The following EXOSC8 variants were observed in gnomAD, a reference collection of about 807,000 sequenced individuals.
The protein encoded by EXOSC8 is exosome complex component RRP43.
A neutral mutation model predicts 39.9 loss-of-function variants in EXOSC8; 37 were observed. That is an observed-to-expected ratio of 0.93 (90% CI 0.71 to 1.22). The LOEUF (loss-of-function observed/expected upper bound fraction) is 1.22, where lower values mean the gene tolerates loss of function less well. Ranked by LOEUF, EXOSC8 falls within the 50% of genes most tolerant of loss-of-function variation. The pLI is 0.00. For missense variants in EXOSC8, 313 were observed against 326.6 expected (o/e 0.96, Z 0.32); for synonymous variants, 93 against 109.5 (o/e 0.85, Z 0.94).
chr13:37,009,052 A>G (rs2059187840), intron 10 of EXOSC8, 132 bp from the exon 11 acceptor site: 2 of 714,158 alleles, frequency 2.8e-6, no homozygotes, highest in South Asian at 3.5e-5. Flanking sequence ...TGTGAAACTA[A>G]CTTGTAGATC....
At chr13:37,001,250 A>G (rs1413656064) in intron 1 of EXOSC8, among the ~76,000 whole-genome samples, 1 of 152,108 alleles carries the variant, frequency 6.6e-6, no homozygotes, top group Non-Finnish European at 1.5e-5. Context: ...CTCTAATAAA[A>G]ATATAAAAAT....
At chr13:37,009,141 A>G (rs1047975006) in intron 10 of EXOSC8, 43 bp from the exon 11 acceptor site, 32 of 1,263,488 alleles carry the variant, frequency 2.5e-5, no homozygotes, top group Non-Finnish European at 3.3e-5. Context: ...TTTGAAAAGG[A>G]ATGATAACTG....
At chr13:37,007,483 A>T (rs1471162406) in intron 8 of EXOSC8, among the ~76,000 whole-genome samples, 1 of 152,218 alleles carries the variant, frequency 6.6e-6, no homozygotes, top group African/African-American at 2.4e-5. Context: ...GTCTAGGTTG[A>T]CTGATTAGTT....
In EXOSC8 at chr13:37,002,329, A is replaced by G. The variant is rs77177263; in HGVS notation, c.54+20A>G. On this transcript the variant is annotated intron_variant, in intron 2 of 10. Transcript: ENST00000389704. ...TTTCTGGTGAGTAAAGGTTATGTAC[A>G]TGTTATGCGTTTTGATAACGAGCTG... The G allele has an allele frequency of 3.3e-4, 523 of 1,590,690 alleles. 5 individuals carry two copies. In the East Asian group the frequency reaches 0.011, roughly 33 times the overall value.
At position 37,008,541 on chromosome 13, in the gene EXOSC8, G is replaced by A. The variant is rs558186764; in HGVS notation, c.609-188G>A. ...GAGGCTGAGGCAGGGGATCACCTGAGGTCAAGAATTCAAGACCAGCCTGGC... is the reference window on the plus strand; with the variant it reads ...GAGGCTGAGGCAGGGGATCACCTGAAGTCAAGAATTCAAGACCAGCCTGGC... On this transcript the variant is annotated intron_variant, in intron 9 of 10. Coordinates refer to ENST00000389704, the MANE Select transcript of EXOSC8 (RefSeq NM_181503.3). Among the ~76,000 whole-genome samples the A allele has an allele frequency of 2.6e-5, 4 of 152,294 alleles. No individual in the cohort carries two copies. The South Asian group carries it at 8.3e-4, about 32-fold the overall frequency.
In EXOSC8 at chr13:37,007,090, A is replaced by ATTTT; in HGVS notation, c.487+19_487+20insTTTT. On this transcript the variant is annotated intron_variant, in intron 8 of 10. Coordinates refer to ENST00000389704, the MANE Select transcript of EXOSC8 (RefSeq NM_181503.3). ...AAAAATGGTAAGCAGCCTTACAAAA[A>ATTTT]AGGCAATATTCCCACTCATGGGTTA... 1 of 1,484,240 alleles carries ATTTT rather than the reference A, an allele frequency of 6.7e-7. No individual in the cohort carries two copies. Among genetic ancestry groups the ATTTT allele is most frequent in the Middle Eastern group, 1.7e-4 (1 of 5,802 alleles). The allele number at this position is 1,484,240 out of a possible 1,614,324, so 91.9% of individuals were successfully genotyped here.
rs899793080 is a variant in EXOSC8 at position 37,004,353 on chromosome 13, T to C, written c.193-163T>C. ...AGTCCACTGTACTGTAGTGCCTTCT[T>C]ATCTTGTAGAGCTATTGTGAGGATC... On this transcript the variant is annotated intron_variant, in intron 4 of 10. Transcript: ENST00000389704. 5.1e-6 allele frequency: 3 copies of C among 589,982 alleles called. No individual in the cohort carries two copies. The African/African-American group carries it at 5.6e-5, about 11-fold the overall frequency. 36.5% of individuals were successfully genotyped at this position (589,982 alleles called of 1,614,324 possible).
chr13:37,004,895 C>T (rs533730806), intron 5 of EXOSC8, among the ~76,000 whole-genome samples: 3 of 152,202 alleles, frequency 2.0e-5, no homozygotes, highest in East Asian at 3.9e-4. Flanking sequence ...ACAGCAGGAT[C>T]GCTTCAGCCC....
Position 37,008,159 on chromosome 13 carries a change from C to T in EXOSC8, c.590C>T (p.Ser197Phe), listed in dbSNP as rs753450309. 1 of 1,597,970 alleles carries T rather than the reference C, an allele frequency of 6.3e-7. No individual in the cohort carries two copies. Among genetic ancestry groups the T allele is most frequent in the Non-Finnish European group, 8.5e-7 (1 of 1,173,750 alleles). ...LNIRTHPVAT[S>F]FAVFDDTLLI... The stretch of plus-strand genomic sequence containing the variant: ...ATTAGAACTCATCCAGTTGCAACTT[C>T]CTTTGCTGTGTTTGATGAGTAAGTT... Residue 197 changes from serine to phenylalanine, a missense_variant, in exon 9 of 11, where the codon TCC (serine) becomes TTC (phenylalanine). Physicochemically the swap from Ser to Phe is radical, Grantham distance 155. Transcript: ENST00000389704.
At position 37,002,284 on chromosome 13, in the gene EXOSC8, C is replaced by A; in HGVS notation, c.29C>A (p.Pro10His). The change falls in exon 2 of 11, where the codon CCT (proline) becomes CAT (histidine). Residue 10 changes from proline (P) to histidine (H), a missense_variant. Transcript: ENST00000389704. ...AACACGTGTTTCAGAACCGTGGAACCTCTGGAGTATTACAGGAGATTTCTG... is the reference window on the plus strand; with the variant it reads ...AACACGTGTTTCAGAACCGTGGAACATCTGGAGTATTACAGGAGATTTCTG... MAAGFKTVEPLEYYRRFLKE... is the reference protein window; with the variant it reads MAAGFKTVEHLEYYRRFLKE... The A allele has an allele frequency of 6.2e-7, 1 of 1,608,872 alleles. No individual in the cohort carries two copies. Among genetic ancestry groups the A allele is most frequent in the Non-Finnish European group, 8.5e-7 (1 of 1,175,806 alleles).
chr13:37,004,156 G>C (rs2059123908), intron 4 of EXOSC8: 1 of 168,290 alleles, frequency 5.9e-6, no homozygotes, highest in Admixed American at 6.4e-5. Flanking sequence ...ACCGGTGTGA[G>C]CCACCGCGCC....
chr13:37,008,554 A>G (rs2059171318), intron 9 of EXOSC8, among the ~76,000 whole-genome samples, 175 bp from the exon 10 acceptor site: 1 of 152,236 alleles, frequency 6.6e-6, no homozygotes, highest in African/African-American at 2.4e-5. Flanking sequence ...CAAGAATTCA[A>G]GACCAGCCTG....
intron 7 of EXOSC8, among the ~76,000 whole-genome samples, chr13:37,006,404 T>C (rs1322297498): frequency 6.6e-6 from 1 of 152,126 alleles, no homozygotes; most frequent in Non-Finnish European, 1.5e-5. Context: ...ACTGAAGTAA[T>C]TTTTTTCCCC....
rs774837831 is a variant in EXOSC8, at chr13:37,002,310, G to A, written c.54+1G>A. On this transcript the variant is annotated splice_donor_variant, in intron 2 of 10. Transcript: ENST00000389704. LOFTEE classifies it high-confidence loss of function. The stretch of plus-strand genomic sequence containing the variant: ...TCTGGAGTATTACAGGAGATTTCTG[G>A]TGAGTAAAGGTTATGTACATGTTAT... 6.2e-7 allele frequency: 1 copy of A among 1,607,030 alleles called. No homozygotes were observed. The highest frequency in any genetic ancestry group is 1.3e-5 in the African/African-American group (1 of 74,896).
Position 37,005,643 on chromosome 13 carries a change from G to A in EXOSC8, c.239-277G>A, listed in dbSNP as rs995748895. Among the ~76,000 whole-genome samples, 16 of 151,836 alleles carry A rather than the reference G, an allele frequency of 1.1e-4. 1 individual carries two copies. Among genetic ancestry groups the A allele is most frequent in the Admixed American group, 7.9e-4 (12 of 15,266 alleles). On this transcript the variant is annotated intron_variant, in intron 5 of 10. Coordinates refer to ENST00000389704, the MANE Select transcript of EXOSC8 (RefSeq NM_181503.3). ...AGCACTTTGCGAGGCTGAGGCGGGC[G>A]GATCACGAGGTCAGGCGATCGAGAC...
chr13:37,008,747 C>T lies in EXOSC8; in HGVS notation c.627C>T (p.Asp209=), dbSNP rs759235137. The change falls in exon 10 of 11, where the codon GAC becomes GAT. Residue 209 remains aspartate (D), a synonymous_variant. Coordinates refer to ENST00000389704, the MANE Select transcript of EXOSC8 (RefSeq NM_181503.3). The part of the protein sequence containing the change: ...AVFDDTLLIV[D]PTGEEEHLAT... The stretch of plus-strand genomic sequence containing the variant: ...TTTATAGCACTTTGCTTATAGTTGA[C>T]CCTACTGGAGAGGAGGAACATCTGG... 9.3e-6 allele frequency: 15 copies of T among 1,609,566 alleles called. No individual in the cohort carries two copies. In the East Asian group the frequency reaches 2.0e-4, roughly 22 times the overall value.
At position 37,006,987 on chromosome 13, in the gene EXOSC8, C is replaced by G; in HGVS notation, c.403C>G (p.Leu135Val). 6.2e-7 allele frequency: 1 copy of G among 1,607,192 alleles called. No homozygotes were observed. Residue 135 changes from leucine (L) to valine (V), a missense_variant, in exon 8 of 11, where the codon CTA becomes GTA. Transcript: ENST00000389704. ...AATTCTATTTTAGCTTGTCTGGGTT[C>G]TATACTGTGATCTCATTTGCCTCGA... ...CISPGKLVWVLYCDLICLDYD... is the reference protein window; with the variant it reads ...CISPGKLVWVVYCDLICLDYD...
intron 8 of EXOSC8, among the ~76,000 whole-genome samples, 190 bp from the exon 9 acceptor site, chr13:37,007,867 G>C (rs1000926768): frequency 6.6e-6 from 1 of 151,944 alleles, no homozygotes; most frequent in African/African-American, 2.4e-5. Context: ...ATAAGCACTA[G>C]GTAGGAATGT....
chr13:37,004,908 CAGTTCAA>C, intron 5 of EXOSC8, among the ~76,000 whole-genome samples: 1 of 152,112 alleles, frequency 6.6e-6, no homozygotes. Context: ...TTCAGCCCAG[CAGTTCAA>C]GACCAGCCTG....
Sources: gnomAD v4.1 joint callset for allele counts (sites outside exome capture counted in the v4.1 genomes callset) on GRCh38, gnomAD v4.1.1 for gene constraint, MANE v1.5 for transcripts, NCBI Gene and HGNC (gene_info 2026-07-23, HGNC 2026-07-21) for gene names.